USH1C: variants seen among roughly 807,000 people sequenced by gnomAD.
USH1C encodes USH1 protein network component harmonin.
In USH1C, 90 loss-of-function variants were observed where a neutral mutation model predicts 119.3. That is an observed-to-expected ratio of 0.75 (90% CI 0.64 to 0.90). The LOEUF (loss-of-function observed/expected upper bound fraction) is 0.90. Ranked by LOEUF, USH1C falls within the 40% of genes least tolerant of loss-of-function variation. USH1C has a pLI of 0.00. For missense variants in USH1C, 1,165 were observed against 1,167.7 expected, an observed-to-expected ratio of 1.00 and a Z score of 0.03; for synonymous variants, 465 against 443.3, an observed-to-expected ratio of 1.05 and a Z score of -0.62.
chr11:17,517,541 A>G, intron 14 of USH1C: 2 of 1,492,686 alleles, frequency 1.3e-6, no homozygotes, highest in Non-Finnish European at 1.8e-6. Flanking sequence ...AGGCCGGAGA[A>G]CCTTCTCAGG....
chr11:17,501,360 A>C (rs1236404038), intron 22 of USH1C, 122 bp downstream of exon 22: 1 of 1,208,512 alleles, frequency 8.3e-7, no homozygotes, highest in Non-Finnish European at 1.2e-6. Context: ...GGGAGAGGGG[A>C]GGACAGTGGG....
chr11:17,521,382 G>T lies in USH1C; in HGVS notation c.1049C>A (p.Ala350Glu), dbSNP rs1294864963. 1.2e-6 allele frequency: 2 copies of T among 1,614,134 alleles called. No individual in the cohort carries two copies. Among genetic ancestry groups the T allele is most frequent in the Admixed American group, 1.7e-5 (1 of 60,014 alleles). Residue 350 changes from alanine (A) to glutamate (E), a missense_variant, in exon 13 of 27, where the codon GCA (alanine) becomes GAA (glutamate). Ala to Glu is a moderately radical substitution (Grantham distance 107). Coordinates refer to ENST00000005226, the MANE Select transcript of USH1C (RefSeq NM_153676.4). Reference protein sequence around the residue: ...QRRKEIAQKAAEENERYRKEM... With the variant: ...QRRKEIAQKAEEENERYRKEM... ...CTTCCGGTATCTCTCATTTTCCTCT[G>T]CTGCCTTCTGGGCAATTTCTTTTCT...
intron 18 of USH1C, among the ~76,000 whole-genome samples, chr11:17,507,318 T>C (rs952245356): frequency 1.3e-5 from 2 of 152,206 alleles, no homozygotes; most frequent in African/African-American, 4.8e-5. Flanking sequence ...ACATTTATAG[T>C]CCAGTTCTTC....
intron 19 of USH1C, 142 bp from the exon 20 acceptor site, chr11:17,504,839 C>A: frequency 1.3e-6 from 1 of 776,554 alleles, no homozygotes; most frequent in Non-Finnish European, 2.2e-6. Flanking sequence ...ACGTTAAAGG[C>A]CTGCTCAATG....
At chr11:17,496,886 A>G in intron 24 of USH1C, 73 bp from the exon 25 acceptor site, 1 of 1,573,620 alleles carries the variant, frequency 6.4e-7, no homozygotes. Context: ...CTCCATCCCC[A>G]TTTCTGGGCC....
rs921075395 is a variant in USH1C at position 17,524,540 on chromosome 11, G to C, written c.675-5C>G. On this transcript the variant is annotated splice_region_variant and splice_polypyrimidine_tract_variant and intron_variant, in intron 8 of 26. Coordinates refer to ENST00000005226, the MANE Select transcript of USH1C (RefSeq NM_153676.4). ...TGGATGGGGCCGCTGGAAATGCTGC[G>C]GGAGGTGGGAAATGTGTGCTCGGGA... The C allele has an allele frequency of 3.2e-6, 5 of 1,556,146 alleles. No individual in the cohort carries two copies. The highest frequency in any genetic ancestry group is 2.4e-5 in the East Asian group (1 of 41,242).
intron 17 of USH1C, 138 bp from the exon 18 acceptor site, chr11:17,509,976 G>A (rs771542520): frequency 3.1e-5 from 35 of 1,113,804 alleles, no homozygotes; most frequent in Admixed American, 5.5e-5. Flanking sequence ...ACCATGGGGC[G>A]CCATTCCTCT....
At chr11:17,529,563 G>A (rs185291286) in intron 4 of USH1C, among the ~76,000 whole-genome samples, 2 of 152,332 alleles carry the variant, frequency 1.3e-5, no homozygotes, top group East Asian at 1.9e-4. Flanking sequence ...CATTTTTCCC[G>A]AAGCTCCTCT....
At chr11:17,529,962 G>A (rs1350631599) in intron 4 of USH1C, among the ~76,000 whole-genome samples, 1 of 152,228 alleles carries the variant, frequency 6.6e-6, no homozygotes, top group East Asian at 1.9e-4. Flanking sequence ...CGCTCATTAT[G>A]TGTTTTCTCT....
intron 8 of USH1C, among the ~76,000 whole-genome samples, chr11:17,525,355 C>T (rs113261205): frequency 0.025 from 3,849 of 152,312 alleles, 170 homozygotes; most frequent in African/African-American, 0.087. Flanking sequence ...GACTTTTTAT[C>T]ACTTGTGCTT....
Position 17,510,464 on chromosome 11 carries a change from C to T in USH1C, c.1471G>A (p.Glu491Lys), listed in dbSNP as rs755287655. Residue 491 changes from glutamate (E) to lysine (K), a missense_variant, in exon 17 of 27, where the codon GAG becomes AAG. Coordinates refer to ENST00000005226, the MANE Select transcript of USH1C (RefSeq NM_153676.4). The stretch of plus-strand genomic sequence containing the variant: ...TCGAGGCGCGTTTGACAGAGCCTCT[C>T]CACCCAATATTGAATCTTTTCCGAT... Reference protein sequence around the residue: ...EESEKIQYWVERLCQTRLEQI... With the variant: ...EESEKIQYWVKRLCQTRLEQI... The T allele has an allele frequency of 5.0e-6, 8 of 1,613,528 alleles. No individual in the cohort carries two copies. The Admixed American group carries it at 1.3e-4, about 27-fold the overall frequency.
At chr11:17,494,529 G>T (rs547364929) in intron 26 of USH1C, 153 bp from the exon 27 acceptor site, 1 of 813,286 alleles carries the variant, frequency 1.2e-6, no homozygotes, top group Non-Finnish European at 2.1e-6. Context: ...GGCCCCAAGT[G>T]GCTACACACC....
intron 15 of USH1C, among the ~76,000 whole-genome samples, chr11:17,515,006 ATCTGTC>A (rs1407888151): frequency 6.6e-6 from 1 of 151,900 alleles, no homozygotes; most frequent in Non-Finnish European, 1.5e-5. Flanking sequence ...GATTTGACAT[ATCTGTC>A]TCCTTTATTA....
intron 18 of USH1C, among the ~76,000 whole-genome samples, chr11:17,508,927 T>A (rs1487147466): frequency 6.6e-6 from 1 of 152,118 alleles, no homozygotes; most frequent in Non-Finnish European, 1.5e-5. Context: ...CTCCCCTCCC[T>A]TTTTTTCCCG....
At chr11:17,522,439 A>T (rs1347562142) in intron 12 of USH1C, among the ~76,000 whole-genome samples, 1 of 152,252 alleles carries the variant, frequency 6.6e-6, no homozygotes, top group East Asian at 1.9e-4. Context: ...ATTAAGAAAC[A>T]TAAACAAGGC....
intron 20 of USH1C, among the ~76,000 whole-genome samples, chr11:17,503,377 G>A (rs866613647): frequency 1.3e-5 from 2 of 152,312 alleles, no homozygotes; most frequent in Middle Eastern, 3.4e-3. Flanking sequence ...CAGATGGCAG[G>A]TACTTGTGTT....
At chr11:17,526,618 G>C (rs1453789481) in intron 7 of USH1C, 135 bp downstream of exon 7, 1 of 1,167,166 alleles carries the variant, frequency 8.6e-7, no homozygotes, top group Non-Finnish European at 1.3e-6. Context: ...CCCCACAGCG[G>C]TGTGCTGGCT....
In USH1C at chr11:17,523,514, G is replaced by A. The variant is rs113954358; in HGVS notation, c.760-36C>T. On this transcript the variant is annotated intron_variant, in intron 9 of 26. Coordinates refer to ENST00000005226, the MANE Select transcript of USH1C (RefSeq NM_153676.4). ...AATGGAGAAAGATTAGTGTGTTTGC[G>A]CTATCTGTACACTCGCTCATCTGCA... 52 of 1,607,848 alleles carry A rather than the reference G, an allele frequency of 3.2e-5. No individual in the cohort carries two copies. The Middle Eastern group carries it at 2.5e-3, about 77-fold the overall frequency.
At chr11:17,512,829 A>G (rs1368012970) in intron 15 of USH1C, among the ~76,000 whole-genome samples, 1 of 152,062 alleles carries the variant, frequency 6.6e-6, no homozygotes, top group African/African-American at 2.4e-5. Context: ...ACTGCTTTAC[A>G]CTCACCATCA....
Sources: gnomAD v4.1 joint callset for allele counts (sites outside exome capture counted in the v4.1 genomes callset) on GRCh38, gnomAD v4.1.1 for gene constraint, MANE v1.5 for transcripts, NCBI Gene and HGNC (gene_info 2026-07-23, HGNC 2026-07-21) for gene names.